ELOVL7: variants seen among roughly 807,000 people sequenced by gnomAD.
The protein encoded by ELOVL7 is very long chain fatty acid elongase 7.
In ELOVL7, 27 loss-of-function variants were observed where a neutral mutation model predicts 35.7. That is an observed-to-expected ratio of 0.76 (90% CI 0.56 to 1.04). The LOEUF is 1.04. ELOVL7 is among the 50% of genes least tolerant of loss of function. The pLI is 0.00. For synonymous variants in ELOVL7, 113 were observed against 114.6 expected, an observed-to-expected ratio of 0.99 and a Z score of 0.09; for missense variants, 327 against 340.8, an observed-to-expected ratio of 0.96 and a Z score of 0.32.
chr5:60,787,851 T>A (rs899156967), intron 2 of ELOVL7, among the ~76,000 whole-genome samples: 2 of 152,188 alleles, frequency 1.3e-5, no homozygotes, highest in Admixed American at 1.3e-4. Flanking sequence ...GATCCTAGAC[T>A]TAGAGCTCAT....
chr5:60,786,253 A>G (rs1461970258), intron 3 of ELOVL7, among the ~76,000 whole-genome samples: 1 of 152,174 alleles, frequency 6.6e-6, no homozygotes, highest in African/African-American at 2.4e-5. Context: ...CAGTTCTAAG[A>G]TGCTCTGATT....
chr5:60,816,208 C>T (rs958629130), intron 1 of ELOVL7, among the ~76,000 whole-genome samples: 2 of 152,142 alleles, frequency 1.3e-5, no homozygotes, highest in Non-Finnish European at 2.9e-5. Flanking sequence ...GATGAATCCC[C>T]ATCTCTACTA....
intron 3 of ELOVL7, among the ~76,000 whole-genome samples, chr5:60,781,202 C>A (rs1218749456): frequency 5.4e-5 from 8 of 147,740 alleles, no homozygotes; most frequent in Non-Finnish European, 9.0e-5. Flanking sequence ...CAGAGTAAGA[C>A]CCTGTCTCAG....
chr5:60,799,050 G>T (rs1744435017), intron 2 of ELOVL7, 130 bp downstream of exon 2: 1 of 151,878 alleles, frequency 6.6e-6, no homozygotes, highest in Non-Finnish European at 1.5e-5. Flanking sequence ...TCAATAACAG[G>T]AAGAAAACTG....
chr5:60,806,608 G>GA (rs200746822), intron 1 of ELOVL7, among the ~76,000 whole-genome samples: 18 of 150,930 alleles, frequency 1.2e-4, no homozygotes, highest in African/African-American at 4.1e-4. Flanking sequence ...AAGAAATGAT[G>GA]AAAAAAAAAG....
At chr5:60,761,276 T>C (rs902807489) in intron 7 of ELOVL7, among the ~76,000 whole-genome samples, 37 of 152,154 alleles carry the variant, frequency 2.4e-4, no homozygotes, top group Non-Finnish European at 3.8e-4. Flanking sequence ...TATGCACAAT[T>C]AATGTAAAAA....
At chr5:60,777,531 G>A (rs1270551010) in intron 3 of ELOVL7, among the ~76,000 whole-genome samples, 1 of 152,026 alleles carries the variant, frequency 6.6e-6, no homozygotes, top group Non-Finnish European at 1.5e-5. Flanking sequence ...TTCATATGAA[G>A]TCTTTCATAA....
chr5:60,832,968 A>G (rs1476576817), intron 1 of ELOVL7, among the ~76,000 whole-genome samples: 5 of 152,220 alleles, frequency 3.3e-5, no homozygotes, highest in Non-Finnish European at 5.9e-5. Flanking sequence ...GACTAGGCAC[A>G]GCATTGCATT....
chr5:60,832,653 C>T (rs1456326238), intron 1 of ELOVL7, among the ~76,000 whole-genome samples: 2 of 152,140 alleles, frequency 1.3e-5, no homozygotes, highest in Non-Finnish European at 2.9e-5. Context: ...CGTGCGCCAT[C>T]GCGCCCAGCC....
intron 2 of ELOVL7, among the ~76,000 whole-genome samples, chr5:60,794,377 T>C (rs1744119276): frequency 6.6e-6 from 1 of 152,232 alleles, no homozygotes. Flanking sequence ...TACCAGAACA[T>C]ACACAGTGTG....
At chr5:60,764,029 A>G (rs1429907410) in intron 7 of ELOVL7, among the ~76,000 whole-genome samples, 198 bp downstream of exon 7, 5 of 152,196 alleles carry the variant, frequency 3.3e-5, no homozygotes, top group Non-Finnish European at 1.5e-5. Context: ...GAAGTTATGT[A>G]TATCTAAAGA....
intron 2 of ELOVL7, among the ~76,000 whole-genome samples, 190 bp from the exon 3 acceptor site, chr5:60,787,621 T>C (rs1743680640): frequency 6.6e-6 from 1 of 152,220 alleles, no homozygotes; most frequent in Admixed American, 6.5e-5. Flanking sequence ...TTTCGGGTTT[T>C]CCATCCTTCT....
At chr5:60,814,526 A>G (rs192395478) in intron 1 of ELOVL7, among the ~76,000 whole-genome samples, 2 of 152,338 alleles carry the variant, frequency 1.3e-5, no homozygotes, top group East Asian at 1.9e-4. Context: ...GAGAATAACA[A>G]TAACGCCCAC....
chr5:60,823,088 T>G (rs1190757294), intron 1 of ELOVL7, among the ~76,000 whole-genome samples: 1 of 152,108 alleles, frequency 6.6e-6, no homozygotes, highest in East Asian at 1.9e-4. Context: ...TCAAGCTTTA[T>G]TAGTCTTAAG....
At chr5:60,820,786 T>C (rs17331746) in intron 1 of ELOVL7, among the ~76,000 whole-genome samples, 15,829 of 152,172 alleles carry the variant, frequency 0.1, 1,111 homozygotes, top group South Asian at 0.16. Context: ...ATGCCATCTT[T>C]ATGATATTTC....
intron 1 of ELOVL7, among the ~76,000 whole-genome samples, chr5:60,800,063 A>G (rs946422386): frequency 6.7e-6 from 1 of 149,046 alleles, no homozygotes; most frequent in African/African-American, 2.5e-5. Context: ...AAGTATAACT[A>G]ATAGTGATTC....
At chr5:60,774,494 T>C (rs933823603) in intron 3 of ELOVL7, among the ~76,000 whole-genome samples, 4 of 152,116 alleles carry the variant, frequency 2.6e-5, no homozygotes, top group African/African-American at 9.7e-5. Flanking sequence ...TAAAGGAACA[T>C]ACCTCAAATA....
intron 1 of ELOVL7, among the ~76,000 whole-genome samples, chr5:60,818,319 GAAAAAAAAAAAAA>G (rs60141189): frequency 9.9e-5 from 7 of 70,578 alleles, no homozygotes; most frequent in African/African-American, 3.9e-4. Flanking sequence ...TTCCATCTCA[GAAAAAAAAAAAAA>G]AAAAAAAAAA....
intron 1 of ELOVL7, among the ~76,000 whole-genome samples, chr5:60,817,776 C>T (rs1745612787): frequency 6.9e-6 from 1 of 145,774 alleles, no homozygotes. Flanking sequence ...TAAACACACA[C>T]ACCATATATA....
Sources: gnomAD v4.1 joint callset for allele counts (sites outside exome capture counted in the v4.1 genomes callset) on GRCh38, gnomAD v4.1.1 for gene constraint, MANE v1.5 for transcripts, NCBI Gene and HGNC (gene_info 2026-07-23, HGNC 2026-07-21) for gene names.